Variants in DDX55 observed in about 807,000 individuals in gnomAD.
DDX55 encodes DEAD-box helicase 55, also known as ATP-dependent RNA helicase DDX55.
In DDX55, 56 loss-of-function variants were observed where a neutral mutation model predicts 69.2. The ratio of observed to expected loss-of-function variants is 0.81; its 90% CI spans 0.65 to 1.01. The LOEUF (loss-of-function observed/expected upper bound fraction) is 1.01, where lower values mean the gene tolerates loss of function less well. Ranked by LOEUF, DDX55 falls within the 50% of genes least tolerant of loss-of-function variation. The pLI, the probability that DDX55 is intolerant of heterozygous loss-of-function variation, is 0.00. For synonymous variants in DDX55, 268 were observed against 273.1 expected (o/e 0.98, Z 0.18); for missense variants, 720 against 745.1 (o/e 0.97, Z 0.39).
intron 7 of DDX55, 113 bp from the exon 8 acceptor site, chr12:123,613,057 C>T (rs1331283654): frequency 7.5e-6 from 8 of 1,072,260 alleles, no homozygotes; most frequent in Non-Finnish European, 1.1e-5. Flanking sequence ...TAAAGTCTGT[C>T]CTACCCATGG....
chr12:123,607,298 A>T, intron 3 of DDX55, 134 bp from the exon 4 acceptor site: 1 of 864,648 alleles, frequency 1.2e-6, no homozygotes, highest in Non-Finnish European at 1.8e-6. Flanking sequence ...GTGCTCAGAG[A>T]TGCTGCTGAG....
In DDX55 at chr12:123,618,844, T is replaced by C; in HGVS notation, c.1333+7T>C. The C allele has an allele frequency of 6.2e-7, 1 of 1,613,510 alleles. No individual in the cohort carries two copies. Among genetic ancestry groups the C allele is most frequent in the African/African-American group, 1.3e-5 (1 of 75,056 alleles). On this transcript the variant is annotated splice_region_variant and intron_variant, in intron 12 of 13. Transcript: ENST00000238146. ...CTGATTTTCAGATTAAAGGGTAAGT[T>C]GGACTTCTTCATGTGATAATGTCTC...
chr12:123,616,671 A>G (rs1401019168), intron 10 of DDX55, 68 bp downstream of exon 10: 1 of 1,476,194 alleles, frequency 6.8e-7, no homozygotes, highest in Non-Finnish European at 9.5e-7. Flanking sequence ...AATCCCGAAG[A>G]AGATAAACAG....
Position 123,608,724 on chromosome 12 carries a change from T to G in DDX55, c.446T>G (p.Phe149Cys), listed in dbSNP as rs1333558891. 6.2e-7 allele frequency: 1 copy of G among 1,614,116 alleles called. No homozygotes were observed. Residue 149 changes from phenylalanine (F) to cysteine (C), a missense_variant, in exon 6 of 14, where the codon TTC becomes TGC. Physicochemically the swap from Phe to Cys is radical, Grantham distance 205. Coordinates refer to ENST00000238146, the MANE Select transcript of DDX55 (RefSeq NM_020936.3). ...ACTCCAGGCCGCTTGGAGGACATGT[T>G]CCGGAGGAAGGCCGAAGGCTTGGAT... The part of the protein sequence containing the change: ...VATPGRLEDM[F>C]RRKAEGLDLA...
rs376511557 is a variant in DDX55 at position 123,619,954 on chromosome 12, C to T, written c.1627-10C>T. On this transcript the variant is annotated splice_polypyrimidine_tract_variant and intron_variant, in intron 13 of 13. Coordinates refer to ENST00000238146, the MANE Select transcript of DDX55 (RefSeq NM_020936.3). ...AAATTTAGTAGTTTATTGGTTTCTT[C>T]TGCACTTAGGGTTCTGATATTGAAG... The T allele has an allele frequency of 7.2e-5, 115 of 1,606,930 alleles. No individual in the cohort carries two copies. Among genetic ancestry groups the T allele is most frequent in the Admixed American group, 5.2e-5 (3 of 58,078 alleles).
In DDX55 at chr12:123,620,248, AATG is replaced by A; in HGVS notation, c.*112_*114del. 3 of 1,071,328 alleles carry A rather than the reference AATG, an allele frequency of 2.8e-6. No individual in the cohort carries two copies. The highest frequency in any genetic ancestry group is 1.8e-5 in the South Asian group (1 of 54,552). 66.4% of individuals were successfully genotyped at this position (1,071,328 alleles called of 1,614,324 possible). On this transcript the variant is annotated 3_prime_UTR_variant, in exon 14 of 14. Coordinates refer to ENST00000238146, the MANE Select transcript of DDX55 (RefSeq NM_020936.3). ...ACAACTTCAGGAGACATCTGAAAAG[AATG>A]ATGTCTCTGAAAGCTGTCCTTTCAG... is the stretch of plus-strand genomic sequence containing the variant.
At chr12:123,603,112 T>C (rs1953669691) in intron 1 of DDX55, among the ~76,000 whole-genome samples, 1 of 152,198 alleles carries the variant, frequency 6.6e-6, no homozygotes. Flanking sequence ...TTGTAGGCGC[T>C]TGGATTTCAT....
At position 123,615,292 on chromosome 12, in the gene DDX55, T is replaced by G. The variant is rs771794295; in HGVS notation, c.932T>G (p.Phe311Cys). Reference protein sequence around the residue: ...GKMKYKRNKIFMEFRKLQSGI... With the variant: ...GKMKYKRNKICMEFRKLQSGI... ...ATGAAATATAAACGCAATAAGATCT[T>G]CATGGAGTTCCGCAAATTGCAAAGG... The change falls in exon 9 of 14, where the codon TTC becomes TGC. Residue 311 changes from phenylalanine (F) to cysteine (C), a missense_variant. Phe to Cys is a radical substitution (Grantham distance 205, BLOSUM62 -2). Coordinates refer to ENST00000238146, the MANE Select transcript of DDX55 (RefSeq NM_020936.3). The G allele has an allele frequency of 1.9e-6, 3 of 1,614,020 alleles. No homozygotes were observed. Among genetic ancestry groups the G allele is most frequent in the Non-Finnish European group, 2.5e-6 (3 of 1,179,940 alleles).
rs1407903114 is a variant in DDX55, at chr12:123,607,790, T to C, written c.401+128T>C. On this transcript the variant is annotated intron_variant, in intron 5 of 13. Coordinates refer to ENST00000238146, the MANE Select transcript of DDX55 (RefSeq NM_020936.3). ...CTCCTCCCCCTGCAAAAAGGTGTTT[T>C]CTCCAGGCCAGCTTCCCATTGTGCT... 32 of 1,314,288 alleles carry C rather than the reference T, an allele frequency of 2.4e-5. No individual in the cohort carries two copies. In the Admixed American group the frequency reaches 5.5e-4, roughly 23 times the overall value. 81.4% of individuals were successfully genotyped at this position (1,314,288 alleles called of 1,614,324 possible). A position where few individuals can be genotyped will look rare whatever the true frequency, so the allele number is the denominator to read the frequency against.
intron 5 of DDX55, 129 bp downstream of exon 5, chr12:123,607,791 C>T: frequency 7.7e-7 from 1 of 1,307,020 alleles, no homozygotes. Context: ...AAGGTGTTTT[C>T]TCCAGGCCAG....
At position 123,620,604 on chromosome 12, in the gene DDX55, ATATATATATATATATATATATAT is replaced by A. The variant is rs1566211081; in HGVS notation, c.*465_*487del. ...ATTATATATATATATATATATATAT[ATATATATATATATATATATATAT>A]AAGCTCTTTTTTCTGAGGCTATTTT... On this transcript the variant is annotated 3_prime_UTR_variant, in exon 14 of 14. Coordinates refer to ENST00000238146, the MANE Select transcript of DDX55 (RefSeq NM_020936.3). 2.1e-4 allele frequency: 16 copies of A among 74,936 alleles called. 1 individual carries two copies. The highest frequency in any genetic ancestry group is 4.6e-4 in the Non-Finnish European group (14 of 30,280). The allele number at this position is 74,936 out of a possible 1,614,324, so 4.6% of individuals were successfully genotyped here. A position where few individuals can be genotyped will look rare whatever the true frequency, so the allele number is the denominator to read the frequency against.
At chr12:123,603,416 G>T (rs1296529347) in intron 1 of DDX55, among the ~76,000 whole-genome samples, 1 of 133,784 alleles carries the variant, frequency 7.5e-6, no homozygotes, top group Admixed American at 8.6e-5. Context: ...TTTTGAGATG[G>T]AGTCTCGCTC....
Position 123,610,855 on chromosome 12 carries a change from G to C in DDX55, c.741+727G>C, listed in dbSNP as rs188552916. Among the ~76,000 whole-genome samples, 434 of 150,956 alleles carry C rather than the reference G, an allele frequency of 2.9e-3. 2 individuals are homozygous for C. Among genetic ancestry groups the C allele is most frequent in the Non-Finnish European group, 5.0e-3 (340 of 67,812 alleles). On this transcript the variant is annotated intron_variant, in intron 7 of 13. Transcript: ENST00000238146. Reference sequence around the variant, plus strand: ...TCCACCTGCCTCGGCCTCCCAAAGTGCTGGGATTACAGGTGTGAGCCACCG... The same window carrying C: ...TCCACCTGCCTCGGCCTCCCAAAGTCCTGGGATTACAGGTGTGAGCCACCG...
Position 123,620,373 on chromosome 12 carries a change from C to T in DDX55, c.*233C>T. On this transcript the variant is annotated 3_prime_UTR_variant, in exon 14 of 14. Coordinates refer to ENST00000238146, the MANE Select transcript of DDX55 (RefSeq NM_020936.3). ...GTGGCTCCTGCCTATAATCCCAGCA[C>T]TTTGGGAGGCTGAGGCAGGAGGATC... The T allele has an allele frequency of 3.2e-6, 1 of 312,514 alleles. No homozygotes were observed. The highest frequency in any genetic ancestry group is 5.8e-6 in the Non-Finnish European group (1 of 172,136). 19.4% of individuals were successfully genotyped at this position (312,514 alleles called of 1,614,324 possible). A position where few individuals can be genotyped will look rare whatever the true frequency, so the allele number is the denominator to read the frequency against.
chr12:123,618,003 G>T, intron 11 of DDX55, 131 bp downstream of exon 11: 1 of 780,962 alleles, frequency 1.3e-6, no homozygotes, highest in Non-Finnish European at 2.0e-6. Context: ...GGCAGTGGGG[G>T]GCCCTGGTGG....
rs115830402 is a variant in DDX55 at position 123,608,686 on chromosome 12, C to A, written c.408C>A (p.Asn136Lys). 3 of 1,613,032 alleles carry A rather than the reference C, an allele frequency of 1.9e-6. No individual in the cohort carries two copies. Among genetic ancestry groups the A allele is most frequent in the African/African-American group, 2.7e-5 (2 of 75,010 alleles). ...DVERFKQQGG[N>K]IIVATPGRLE... ...GTTAACTTTCTTTCCAAAGTGGGAACATCATTGTGGCCACTCCAGGCCGCT... is the reference window on the plus strand; with the variant it reads ...GTTAACTTTCTTTCCAAAGTGGGAAAATCATTGTGGCCACTCCAGGCCGCT... The change falls in exon 6 of 14, where the codon AAC becomes AAA. Residue 136 changes from asparagine to lysine, a missense_variant. Physicochemically the swap from Asn to Lys is moderately conservative, Grantham distance 94. Coordinates refer to ENST00000238146, the MANE Select transcript of DDX55 (RefSeq NM_020936.3).
Position 123,618,842 on chromosome 12 carries a change from G to C in DDX55, c.1333+5G>C. 1.2e-6 allele frequency: 2 copies of C among 1,613,532 alleles called. No homozygotes were observed. The highest frequency in any genetic ancestry group is 2.2e-5 in the East Asian group (1 of 44,874). ...ACCTGATTTTCAGATTAAAGGGTAA[G>C]TTGGACTTCTTCATGTGATAATGTC... On this transcript the variant is annotated splice_donor_5th_base_variant and intron_variant, in intron 12 of 13. Coordinates refer to ENST00000238146, the MANE Select transcript of DDX55 (RefSeq NM_020936.3).
intron 7 of DDX55, among the ~76,000 whole-genome samples, chr12:123,611,519 C>A (rs1265780707): frequency 6.6e-6 from 1 of 152,184 alleles, no homozygotes; most frequent in Non-Finnish European, 1.5e-5. Context: ...TTTCGTTAGG[C>A]CTGGAGGGGT....
chr12:123,604,546 A>T (rs1201083028), intron 1 of DDX55, among the ~76,000 whole-genome samples: 1 of 152,156 alleles, frequency 6.6e-6, no homozygotes, highest in Non-Finnish European at 1.5e-5. Flanking sequence ...CTGGCCTCAG[A>T]GCTCATTGTC....
Sources: gnomAD v4.1 joint callset for allele counts (sites outside exome capture counted in the v4.1 genomes callset) on GRCh38, gnomAD v4.1.1 for gene constraint, MANE v1.5 for transcripts, NCBI Gene and HGNC (gene_info 2026-07-23, HGNC 2026-07-21) for gene names.